GRIK1: variants seen among roughly 807,000 people sequenced by gnomAD.
The protein encoded by GRIK1 is glutamate receptor ionotropic, kainate 1.
GRIK1 carries 69 observed loss-of-function variants against 105.7 expected under a neutral mutation model. The ratio of observed to expected loss-of-function variants is 0.65; its 90% CI spans 0.54 to 0.80. GRIK1 has a LOEUF of 0.80. Ranked by LOEUF, GRIK1 falls within the 30% of genes least tolerant of loss-of-function variation. The pLI, the probability that GRIK1 is intolerant of heterozygous loss-of-function variation, is 0.00. For missense variants in GRIK1, 1,109 were observed against 1,167.3 expected (o/e 0.95, Z 0.73); for synonymous variants, 438 against 431.3 (o/e 1.02, Z -0.19).
At chr21:29,933,775 C>A (rs1343841105) in intron 1 of GRIK1, among the ~76,000 whole-genome samples, 1 of 152,064 alleles carries the variant, frequency 6.6e-6, no homozygotes, top group East Asian at 1.9e-4. Flanking sequence ...ATTAAATAAT[C>A]TTCTCAGTTT....
intron 7 of GRIK1, among the ~76,000 whole-genome samples, chr21:29,614,245 G>A (rs760887857): frequency 6.6e-6 from 1 of 152,062 alleles, no homozygotes; most frequent in African/African-American, 2.4e-5. Context: ...CCTGCATCCC[G>A]TCAGTCCTGG....
chr21:29,644,383 G>C (rs1410617892), intron 6 of GRIK1, among the ~76,000 whole-genome samples: 1 of 152,086 alleles, frequency 6.6e-6, no homozygotes. Flanking sequence ...CATGGTTCCT[G>C]ACACAGAAAA....
At chr21:29,770,818 C>G (rs1032900974) in intron 1 of GRIK1, among the ~76,000 whole-genome samples, 1 of 152,090 alleles carries the variant, frequency 6.6e-6, no homozygotes, top group Non-Finnish European at 1.5e-5. Context: ...TTCATAGAGG[C>G]AAAATATTCA....
intron 15 of GRIK1, among the ~76,000 whole-genome samples, chr21:29,560,308 T>C (rs1041422876): frequency 2.6e-5 from 3 of 114,570 alleles, no homozygotes; most frequent in African/African-American, 1.1e-4. Flanking sequence ...TCTTTCTTTC[T>C]TTCTTTCTTT....
intron 1 of GRIK1, among the ~76,000 whole-genome samples, chr21:29,924,925 T>C (rs1452266187): frequency 6.6e-6 from 1 of 152,214 alleles, no homozygotes; most frequent in Non-Finnish European, 1.5e-5. Flanking sequence ...GCTGCTCTCC[T>C]TCAGGAAAAG....
chr21:29,818,939 G>C (rs1442659495), intron 1 of GRIK1, among the ~76,000 whole-genome samples: 1 of 152,036 alleles, frequency 6.6e-6, no homozygotes, highest in Non-Finnish European at 1.5e-5. Flanking sequence ...AGGGATGTCA[G>C]CAAGTAGAAA....
chr21:29,883,008 C>T (rs2069480133), intron 1 of GRIK1, among the ~76,000 whole-genome samples: 2 of 152,084 alleles, frequency 1.3e-5, no homozygotes, highest in Non-Finnish European at 2.9e-5. Context: ...TAACCTTAGT[C>T]ATTACCTCCT....
At chr21:29,804,648 G>T (rs2066810707) in intron 1 of GRIK1, among the ~76,000 whole-genome samples, 1 of 152,130 alleles carries the variant, frequency 6.6e-6, no homozygotes, top group South Asian at 2.1e-4. Context: ...TTTAAAGAGA[G>T]AAATGACACA....
intron 1 of GRIK1, among the ~76,000 whole-genome samples, chr21:29,731,486 C>G (rs926949076): frequency 1.3e-5 from 2 of 152,162 alleles, no homozygotes; most frequent in Non-Finnish European, 2.9e-5. Context: ...CAAATAAATG[C>G]TTCAAGATCT....
chr21:29,645,784 C>A (rs1463281746), intron 6 of GRIK1, among the ~76,000 whole-genome samples: 1 of 152,100 alleles, frequency 6.6e-6, no homozygotes, highest in African/African-American at 2.4e-5. Flanking sequence ...TTTCTTCTTC[C>A]AAATGTGTTT....
chr21:29,900,459 C>CAAAAA (rs746842761), intron 1 of GRIK1, among the ~76,000 whole-genome samples: 15 of 78,312 alleles, frequency 1.9e-4, no homozygotes, highest in East Asian at 3.9e-4. Context: ...AAATGGAAAG[C>CAAAAA]AAGAAAAAAA....
chr21:29,610,998 T>C (rs949244497), intron 7 of GRIK1, among the ~76,000 whole-genome samples: 4 of 152,104 alleles, frequency 2.6e-5, no homozygotes, highest in African/African-American at 9.7e-5. Context: ...CACAATGACA[T>C]CAGACTTTTG....
At chr21:29,872,831 C>A (rs2223021) in intron 1 of GRIK1, among the ~76,000 whole-genome samples, 2 of 152,120 alleles carry the variant, frequency 1.3e-5, no homozygotes, top group Non-Finnish European at 2.9e-5. Flanking sequence ...CAATTACCCC[C>A]CACTGGGTCC....
intron 14 of GRIK1, 136 bp from the exon 15 acceptor site, chr21:29,561,985 T>A (rs1443015146): frequency 1.6e-6 from 1 of 631,020 alleles, no homozygotes; most frequent in East Asian, 2.7e-5. Context: ...AGATTGATGA[T>A]CTCAAGGCTT....
intron 1 of GRIK1, among the ~76,000 whole-genome samples, chr21:29,839,870 G>A (rs1190342969): frequency 1.3e-5 from 2 of 152,184 alleles, no homozygotes; most frequent in Non-Finnish European, 2.9e-5. Context: ...TGGAGAAGGT[G>A]ATAGTTGACC....
chr21:29,917,828 T>C (rs2071050362), intron 1 of GRIK1, among the ~76,000 whole-genome samples: 2 of 152,182 alleles, frequency 1.3e-5, no homozygotes, highest in East Asian at 3.9e-4. Context: ...GTTAAATCAG[T>C]GAAACCAAAG....
chr21:29,593,374 T>C (rs567800710), intron 9 of GRIK1, among the ~76,000 whole-genome samples: 1 of 152,334 alleles, frequency 6.6e-6, no homozygotes, highest in South Asian at 2.1e-4. Context: ...GAAGAATCTT[T>C]AGGTTTCTTA....
At chr21:29,861,340 T>A (rs1452974398) in intron 1 of GRIK1, among the ~76,000 whole-genome samples, 1 of 151,972 alleles carries the variant, frequency 6.6e-6, no homozygotes, top group Non-Finnish European at 1.5e-5. Flanking sequence ...AGGGTCTCAC[T>A]CTGTCACCCA....
chr21:29,876,650 T>A (rs1463589628), intron 1 of GRIK1, among the ~76,000 whole-genome samples: 1 of 152,232 alleles, frequency 6.6e-6, no homozygotes, highest in Non-Finnish European at 1.5e-5. Flanking sequence ...TTAAATCACG[T>A]AGTTATGCTT....
Sources: gnomAD v4.1 joint callset for allele counts (sites outside exome capture counted in the v4.1 genomes callset) on GRCh38, gnomAD v4.1.1 for gene constraint, MANE v1.5 for transcripts, NCBI Gene and HGNC (gene_info 2026-07-23, HGNC 2026-07-21) for gene names.